The following TBCE variants were observed in gnomAD, a reference collection of about 807,000 sequenced individuals.
The protein encoded by TBCE is tubulin folding cofactor E, also known as tubulin-specific chaperone E.
TBCE carries 53 observed loss-of-function variants against 77.0 expected under a neutral mutation model. The observed-to-expected ratio is 0.69, with a 90% CI of 0.55 to 0.87. The LOEUF is 0.87. Among genes scored for constraint, TBCE ranks in the 40% least tolerant of loss-of-function variants. The pLI is 0.00. For missense variants in TBCE, 624 were observed against 622.4 expected (o/e 1.00, Z -0.03); for synonymous variants, 235 against 241.3 (o/e 0.97, Z 0.24).
At chr1:235,437,525 T>C in intron 12 of TBCE, 51 bp downstream of exon 12, 1 of 1,603,582 alleles carries the variant, frequency 6.2e-7, no homozygotes, top group Non-Finnish European at 8.5e-7. Context: ...AAATAAATGA[T>C]TTTAGGCCAG....
At chr1:235,435,899 T>G (rs746767035) in intron 9 of TBCE, 59 bp downstream of exon 9, 491 of 1,388,346 alleles carry the variant, frequency 3.5e-4, no homozygotes, top group Non-Finnish European at 4.8e-4. Context: ...GTGAAGCAGT[T>G]TTCATATGCT....
At chr1:235,441,374 C>A in intron 13 of TBCE, 1 of 257,604 alleles carries the variant, frequency 3.9e-6, no homozygotes, top group Non-Finnish European at 7.5e-6. Flanking sequence ...TCCTGTGGAT[C>A]GTGTCTCAGG....
Position 235,450,344 on chromosome 1 carries a change from T to C in TBCE, c.*1582T>C, listed in dbSNP as rs923489865. 35 of 1,613,890 alleles carry C rather than the reference T, an allele frequency of 2.2e-5. No homozygotes were observed. Among genetic ancestry groups the C allele is most frequent in the Non-Finnish European group, 2.8e-5 (33 of 1,179,816 alleles). ...TCTCACACAGCCACAGACTGTCCTGTTGAGAAACAACCAAAGCCGATCTGA... is the reference window on the plus strand; with the variant it reads ...TCTCACACAGCCACAGACTGTCCTGCTGAGAAACAACCAAAGCCGATCTGA... On this transcript the variant is annotated 3_prime_UTR_variant, in exon 17 of 17. Transcript: ENST00000642610.
chr1:235,442,008 A>ATTTT, intron 14 of TBCE, 126 bp downstream of exon 14: 1 of 596,192 alleles, frequency 1.7e-6, no homozygotes, highest in Non-Finnish European at 2.8e-6. Flanking sequence ...TTAAATGAAA[A>ATTTT]TTTTTTTTTT....
In TBCE at chr1:235,370,745, CT is replaced by C. The variant is rs747282905; in HGVS notation, c.-32+3255del. 1.5e-3 allele frequency among the ~76,000 whole-genome samples: 119 copies of C among 78,136 alleles called. 1 individual carries two copies. Among genetic ancestry groups the C allele is most frequent in the East Asian group, 3.2e-3 (4 of 1,260 alleles). 51.3% of individuals were successfully genotyped at this position (78,136 alleles called of 152,430 possible). A position where few individuals can be genotyped will look rare whatever the true frequency, so the allele number is the denominator to read the frequency against. On this transcript the variant is annotated intron_variant, in intron 1 of 16. Transcript: ENST00000642610. ...TATGCTTTTTTCCTCCTTGTCTTTT[CT>C]TTTTTTTTTTTTTGAGATGGAGTCT...
At chr1:235,422,829 CA>C (rs913849958) in intron 5 of TBCE, among the ~76,000 whole-genome samples, 16 of 151,928 alleles carry the variant, frequency 1.1e-4, no homozygotes, top group Non-Finnish European at 2.1e-4. Flanking sequence ...GACTCCGTCT[CA>C]AAAAAAAGGA....
chr1:235,434,585 C>G (rs920899750), intron 8 of TBCE, among the ~76,000 whole-genome samples: 1 of 151,126 alleles, frequency 6.6e-6, no homozygotes, highest in African/African-American at 2.4e-5. Flanking sequence ...GTCGCCCAGG[C>G]TGGAGTGCAG....
chr1:235,430,626 A>T, intron 6 of TBCE, 79 bp from the exon 7 acceptor site: 1 of 997,466 alleles, frequency 1.0e-6, no homozygotes, highest in Non-Finnish European at 1.5e-6. Context: ...ATTAAAACCC[A>T]GATTGTTGCT....
chr1:235,411,914 A>C, intron 3 of TBCE, among the ~76,000 whole-genome samples: 1 of 151,654 alleles, frequency 6.6e-6, no homozygotes, highest in Non-Finnish European at 1.5e-5. Flanking sequence ...CAGTCTTTGG[A>C]ACTCACCCTC....
At chr1:235,426,113 G>A (rs1161238260) in intron 5 of TBCE, among the ~76,000 whole-genome samples, 1 of 152,190 alleles carries the variant, frequency 6.6e-6, no homozygotes, top group African/African-American at 2.4e-5. Context: ...TGAGAGTGTA[G>A]CTCCTCCAGT....
intron 1 of TBCE, among the ~76,000 whole-genome samples, chr1:235,377,423 C>T (rs551784204): frequency 3.9e-5 from 6 of 152,324 alleles, no homozygotes; most frequent in African/African-American, 1.4e-4. Flanking sequence ...TTGTGATCTG[C>T]CTGCCTTGGC....
chr1:235,387,935 C>T lies in TBCE; in HGVS notation c.100+7786C>T, dbSNP rs1273823847. ...GCAGCCCCTCCAGGGGATTCTGATG[C>T]ACAATAAGGTTTGGTGAAAGCCATT... On this transcript the variant is annotated intron_variant, in intron 2 of 16. Coordinates refer to ENST00000642610, the MANE Select transcript of TBCE (RefSeq NM_003193.5). 2.6e-5 allele frequency among the ~76,000 whole-genome samples: 4 copies of T among 152,164 alleles called. No individual in the cohort carries two copies. In the East Asian group the frequency reaches 7.7e-4, roughly 29 times the overall value.
rs1353497961 is a variant in TBCE at position 235,447,524 on chromosome 1, G to GTGTATTAAACACATTGTGT, written c.1400-825_1400-824insTGTATTAAACACATTGTGT. 2.1e-4 allele frequency among the ~76,000 whole-genome samples: 32 copies of GTGTATTAAACACATTGTGT among 152,288 alleles called. No individual in the cohort carries two copies. The South Asian group carries it at 4.8e-3, about 23-fold the overall frequency. On this transcript the variant is annotated intron_variant, in intron 15 of 16. Coordinates refer to ENST00000642610, the MANE Select transcript of TBCE (RefSeq NM_003193.5). ...GTGTATGTTTAATACAGTTACACAT[G>GTGTATTAAACACATTGTGT]ATGTAATTACAGAATGGCGGCGCTG... is the stretch of plus-strand genomic sequence containing the variant.
chr1:235,370,832 C>T (rs1367715373), intron 1 of TBCE, among the ~76,000 whole-genome samples: 10 of 150,070 alleles, frequency 6.7e-5, no homozygotes, highest in African/African-American at 2.5e-4. Context: ...ACCTCCGCCT[C>T]CCGGGTTCAA....
At chr1:235,401,672 G>A (rs1297874317) in intron 3 of TBCE, 85 bp downstream of exon 3, 12 of 1,209,200 alleles carry the variant, frequency 9.9e-6, no homozygotes, top group Non-Finnish European at 1.5e-5. Context: ...AGGAAGAAAT[G>A]TTTGGCTCAT....
chr1:235,401,219 C>G (rs1394042405), intron 2 of TBCE, among the ~76,000 whole-genome samples: 1 of 152,010 alleles, frequency 6.6e-6, no homozygotes, highest in Admixed American at 6.6e-5. Flanking sequence ...TGGCTTATTT[C>G]TCTTAGTGTA....
At chr1:235,403,599 TCTC>T (rs1207494563) in intron 3 of TBCE, among the ~76,000 whole-genome samples, 1 of 152,178 alleles carries the variant, frequency 6.6e-6, no homozygotes. Flanking sequence ...TCTTTAATGG[TCTC>T]TGGATACAGT....
chr1:235,434,726 C>T (rs558147282), intron 8 of TBCE, among the ~76,000 whole-genome samples: 120 of 151,718 alleles, frequency 7.9e-4, no homozygotes, highest in African/African-American at 2.8e-3. Flanking sequence ...TTAGTAGAGA[C>T]GGGGTTTCAC....
At chr1:235,426,466 G>T (rs994375748) in intron 5 of TBCE, among the ~76,000 whole-genome samples, 1 of 152,184 alleles carries the variant, frequency 6.6e-6, no homozygotes, top group Non-Finnish European at 1.5e-5. Flanking sequence ...AGAAGGTCAT[G>T]TGCTGGGGTG....
Sources: allele counts gnomAD v4.1 joint callset (sites outside exome capture counted in the v4.1 genomes callset), GRCh38; gene constraint gnomAD v4.1.1; transcripts MANE v1.5; gene names NCBI Gene and HGNC (gene_info 2026-07-23, HGNC 2026-07-21).